CEP55: variants seen among roughly 807,000 people sequenced by gnomAD.
CEP55 encodes the protein centrosomal protein 55, also known as centrosomal protein of 55 kDa.
Under a neutral mutation model 63.2 loss-of-function variants are expected in CEP55, and 57 were observed. That is an observed-to-expected ratio of 0.90 (90% CI 0.73 to 1.13). The LOEUF (loss-of-function observed/expected upper bound fraction) is 1.13. CEP55 is among the 50% of genes most tolerant of loss of function. The probability of loss-of-function intolerance (pLI) is 0.00; values close to 1 mark genes in which losing one functional copy is unlikely to be tolerated. For synonymous variants in CEP55, 178 were observed against 191.6 expected (o/e 0.93, Z 0.59); for missense variants, 456 against 518.9 (o/e 0.88, Z 1.18).
rs560694441 is a variant in CEP55 at position 93,525,958 on chromosome 10, A to G, written c.1192-1992A>G. ...AATTCAAGATGGATTAAAGATTTAC[A>G]TGTTAGACCTAAAACCATAAAAACC... On this transcript the variant is annotated intron_variant, in intron 8 of 8. Coordinates refer to ENST00000371485, the MANE Select transcript of CEP55 (RefSeq NM_018131.5). 5.6e-3 allele frequency among the ~76,000 whole-genome samples: 854 copies of G among 152,368 alleles called. 10 individuals are homozygous for G. Among genetic ancestry groups the G allele is most frequent in the African/African-American group, 0.02 (813 of 41,586 alleles).
chr10:93,523,174 G>A (rs2057881709), intron 8 of CEP55, among the ~76,000 whole-genome samples: 1 of 152,150 alleles, frequency 6.6e-6, no homozygotes, highest in African/African-American at 2.4e-5. Context: ...ACCCATCAGT[G>A]TGCTGTATTC....
At chr10:93,509,569 T>C (rs2057722933) in intron 4 of CEP55, among the ~76,000 whole-genome samples, 1 of 152,086 alleles carries the variant, frequency 6.6e-6, no homozygotes, top group Non-Finnish European at 1.5e-5. Context: ...CATTGCAACC[T>C]CCGTCTCCTG....
intron 8 of CEP55, chr10:93,520,365 T>C (rs1444288206): frequency 6.8e-6 from 1 of 147,344 alleles, no homozygotes; most frequent in East Asian, 2.0e-4. Flanking sequence ...ATGCAGAGGT[T>C]GCAGTGGGCT....
At chr10:93,524,633 C>CA in intron 8 of CEP55, among the ~76,000 whole-genome samples, 1 of 151,938 alleles carries the variant, frequency 6.6e-6, no homozygotes, top group Non-Finnish European at 1.5e-5. Context: ...AGAGACACAA[C>CA]AAAAAAAGAG....
At position 93,527,300 on chromosome 10, in the gene CEP55, A is replaced by C. The variant is rs1223947627; in HGVS notation, c.1192-650A>C. Among the ~76,000 whole-genome samples the C allele has an allele frequency of 4.6e-5, 7 of 152,320 alleles. No individual in the cohort carries two copies. The East Asian group carries it at 1.3e-3, about 29-fold the overall frequency. On this transcript the variant is annotated intron_variant, in intron 8 of 8. Transcript: ENST00000371485. Reference sequence around the variant, plus strand: ...TTGCTGCCTTTAATTTCCATGTAGTACTTTATTGCTGACGTTGCCTCTGTT... The same window carrying C: ...TTGCTGCCTTTAATTTCCATGTAGTCCTTTATTGCTGACGTTGCCTCTGTT...
chr10:93,513,036 C>CA (rs1324091988), intron 4 of CEP55, among the ~76,000 whole-genome samples: 1 of 152,090 alleles, frequency 6.6e-6, no homozygotes, highest in East Asian at 1.9e-4. Context: ...AATCAAAAAT[C>CA]AAATTACTAC....
At position 93,517,133 on chromosome 10, in the gene CEP55, A is replaced by G. The variant is rs898870136; in HGVS notation, c.878A>G (p.His293Arg). The G allele has an allele frequency of 1.2e-5, 19 of 1,613,956 alleles. No homozygotes were observed. The highest frequency in any genetic ancestry group is 1.5e-5 in the Non-Finnish European group (18 of 1,179,934). Residue 293 changes from histidine (H) to arginine (R), a missense_variant, in exon 6 of 9, where the codon CAT (histidine) becomes CGT (arginine). Coordinates refer to ENST00000371485, the MANE Select transcript of CEP55 (RefSeq NM_018131.5). ...LYSQRRADVQ[H>R]LEDDRHKTEK... is the part of the protein sequence containing the mutation. ...TCACAAAGAAGGGCAGATGTGCAAC[A>G]TCTGGAAGATGATAGGCATAAAACA...
rs557223799 is a variant in CEP55, at chr10:93,521,946, T to C, written c.1191+2139T>C. ...CATCCACACCAAAACCCCATCTGTA[T>C]GTCACCATCATCAAAGACCAAAGGT... On this transcript the variant is annotated intron_variant, in intron 8 of 8. Transcript: ENST00000371485. 2.4e-3 allele frequency among the ~76,000 whole-genome samples: 358 copies of C among 152,240 alleles called. 1 individual carries two copies. Among genetic ancestry groups the C allele is most frequent in the African/African-American group, 8.5e-3 (351 of 41,536 alleles).
chr10:93,507,643 T>G (rs2134465917), intron 4 of CEP55, among the ~76,000 whole-genome samples: 1 of 152,238 alleles, frequency 6.6e-6, no homozygotes, highest in South Asian at 2.1e-4. Flanking sequence ...TTGTTTCTTG[T>G]TTTTTCAGTA....
In CEP55 at chr10:93,503,320, C is replaced by A; in HGVS notation, c.391C>A (p.Gln131Lys). Residue 131 changes from glutamine (Q) to lysine (K), a missense_variant, in exon 3 of 9, where the codon CAG (glutamine) becomes AAG (lysine). Physicochemically the swap from Gln to Lys is moderately conservative, Grantham distance 53 (BLOSUM62 1). Coordinates refer to ENST00000371485, the MANE Select transcript of CEP55 (RefSeq NM_018131.5). Reference sequence around the variant, plus strand: ...TGAAGAGAAAGACGTATTGAAACAACAGTTGTCTGCTGCAACCTCACGAAT... The same window carrying A: ...TGAAGAGAAAGACGTATTGAAACAAAAGTTGTCTGCTGCAACCTCACGAAT... ...LSEEKDVLKQQLSAATSRIAE... is the reference protein window; with the variant it reads ...LSEEKDVLKQKLSAATSRIAE... 6.2e-7 allele frequency: 1 copy of A among 1,614,198 alleles called. No individual in the cohort carries two copies. Among genetic ancestry groups the A allele is most frequent in the Non-Finnish European group, 8.5e-7 (1 of 1,180,038 alleles).
At chr10:93,499,950 A>G in intron 1 of CEP55, 90 bp from the exon 2 acceptor site, 1 of 849,978 alleles carries the variant, frequency 1.2e-6, no homozygotes. Context: ...TATCATTTCT[A>G]TTTAGAGCAG....
In CEP55 at chr10:93,515,516, C is replaced by T. The variant is rs146700713; in HGVS notation, c.640C>T (p.His214Tyr). 3.1e-6 allele frequency: 5 copies of T among 1,613,942 alleles called. No homozygotes were observed. Among genetic ancestry groups the T allele is most frequent in the South Asian group, 1.1e-5 (1 of 91,066 alleles). The change falls in exon 5 of 9, where the codon CAT becomes TAT. Residue 214 changes from histidine (H) to tyrosine (Y), a missense_variant. By Grantham distance (83) the His-to-Tyr change is moderately conservative. Coordinates refer to ENST00000371485, the MANE Select transcript of CEP55 (RefSeq NM_018131.5). ...GGAAAAGAAAACGGAAACAGCTGCTCATTCACTCCCACAGCAGACAAAAAA... is the reference window on the plus strand; with the variant it reads ...GGAAAAGAAAACGGAAACAGCTGCTTATTCACTCCCACAGCAGACAAAAAA... The part of the protein sequence containing the change: ...ELEKKTETAA[H>Y]SLPQQTKKPE...
At chr10:93,506,447 T>G (rs149124171) in intron 3 of CEP55, among the ~76,000 whole-genome samples, 81 of 152,336 alleles carry the variant, frequency 5.3e-4, no homozygotes, top group African/African-American at 1.8e-3. Context: ...TCAGATTAGA[T>G]AGAAAATCTC....
chr10:93,514,618 C>T lies in CEP55; in HGVS notation c.529-787C>T, dbSNP rs551365433. On this transcript the variant is annotated intron_variant, in intron 4 of 8. Coordinates refer to ENST00000371485, the MANE Select transcript of CEP55 (RefSeq NM_018131.5). ...AGAGAGTGCTGAAAAGCAGAGTCCT[C>T]GTTGGGCAGCAATAGTTAGGCACTT... is the stretch of plus-strand genomic sequence containing the variant. Among the ~76,000 whole-genome samples the T allele has an allele frequency of 3.9e-5, 6 of 152,336 alleles. 1 individual carries two copies. The South Asian group carries it at 6.2e-4, about 16-fold the overall frequency.
At chr10:93,504,690 A>G (rs2057669974) in intron 3 of CEP55, among the ~76,000 whole-genome samples, 1 of 152,252 alleles carries the variant, frequency 6.6e-6, no homozygotes, top group African/African-American at 2.4e-5. Context: ...GCTGAAACTC[A>G]TAAAACGTTA....
chr10:93,521,141 G>A (rs1293552370), intron 8 of CEP55, among the ~76,000 whole-genome samples: 1 of 152,098 alleles, frequency 6.6e-6, no homozygotes, highest in Non-Finnish European at 1.5e-5. Context: ...CCGAAGCAGG[G>A]TGAGGCATCG....
At chr10:93,519,046 G>T in intron 7 of CEP55, 98 bp downstream of exon 7, 1 of 862,234 alleles carries the variant, frequency 1.2e-6, no homozygotes, top group East Asian at 2.5e-5. Flanking sequence ...TTTGAAAGTT[G>T]TGAAAAGTGT....
At chr10:93,522,012 T>A (rs1329592615) in intron 8 of CEP55, among the ~76,000 whole-genome samples, 2 of 152,042 alleles carry the variant, frequency 1.3e-5, no homozygotes, top group Non-Finnish European at 2.9e-5. Context: ...GCAGAAAAAC[T>A]GAAAATTCTA....
In CEP55 at chr10:93,503,111, A is replaced by C; in HGVS notation, c.184-2A>C. Reference sequence around the variant, plus strand: ...CTAAGATTCTTCTTAGTTTATGTCTAGAAAATTCGAGTCCTTGAGGCTGAG... The same window carrying C: ...CTAAGATTCTTCTTAGTTTATGTCTCGAAAATTCGAGTCCTTGAGGCTGAG... On this transcript the variant is annotated splice_acceptor_variant, in intron 2 of 8. Transcript: ENST00000371485. LOFTEE classifies it high-confidence loss of function. 3 of 1,609,816 alleles carry C rather than the reference A, an allele frequency of 1.9e-6. No individual in the cohort carries two copies. Among genetic ancestry groups the C allele is most frequent in the Non-Finnish European group, 2.5e-6 (3 of 1,178,148 alleles).
Sources: gnomAD v4.1 joint callset for allele counts (sites outside exome capture counted in the v4.1 genomes callset) on GRCh38, gnomAD v4.1.1 for gene constraint, MANE v1.5 for transcripts, NCBI Gene and HGNC (gene_info 2026-07-23, HGNC 2026-07-21) for gene names.